Variants in CRIM1 observed in about 807,000 individuals in gnomAD.
The protein encoded by CRIM1 is cysteine rich transmembrane BMP regulator 1.
Under a neutral mutation model 116.4 loss-of-function variants are expected in CRIM1, and 32 were observed. The observed-to-expected ratio is 0.27, with a 90% CI of 0.21 to 0.37. The LOEUF (loss-of-function observed/expected upper bound fraction) is 0.37. Among genes scored for constraint, CRIM1 ranks in the 10% least tolerant of loss-of-function variants. The pLI is 1.00. For missense variants in CRIM1, 1,331 were observed against 1,354.8 expected, an observed-to-expected ratio of 0.98 and a Z score of 0.28; for synonymous variants, 590 against 509.2, an observed-to-expected ratio of 1.16 and a Z score of -2.13.
chr2:36,483,567 C>A (rs984233498), intron 7 of CRIM1, among the ~76,000 whole-genome samples: 1 of 152,116 alleles, frequency 6.6e-6, no homozygotes, highest in Non-Finnish European at 1.5e-5. Flanking sequence ...ACAGTGTGTC[C>A]CCAGGACCAG....
chr2:36,461,725 C>A (rs531472167), intron 4 of CRIM1, among the ~76,000 whole-genome samples: 19 of 152,238 alleles, frequency 1.2e-4, no homozygotes, highest in Non-Finnish European at 2.2e-4. Context: ...ATGATGGGGT[C>A]CCCTTTTGTT....
At chr2:36,470,140 AAC>A in intron 5 of CRIM1, among the ~76,000 whole-genome samples, 2 of 152,344 alleles carry the variant, frequency 1.3e-5, no homozygotes, top group African/African-American at 2.4e-5. Flanking sequence ...AGGATTTAAA[AAC>A]ACACAGAACT....
At chr2:36,405,185 A>T (rs186155520) in intron 2 of CRIM1, among the ~76,000 whole-genome samples, 170 of 152,214 alleles carry the variant, frequency 1.1e-3, no homozygotes, top group Non-Finnish European at 1.9e-3. Flanking sequence ...GGTATTTTTT[A>T]TGTGCGTGGG....
intron 2 of CRIM1, among the ~76,000 whole-genome samples, chr2:36,429,486 A>G (rs1381389021): frequency 1.3e-5 from 2 of 152,138 alleles, no homozygotes; most frequent in East Asian, 1.9e-4. Context: ...GAAGAGGATG[A>G]GATTGGCGGG....
chr2:36,419,223 A>G (rs532035786), intron 2 of CRIM1, among the ~76,000 whole-genome samples: 3 of 152,228 alleles, frequency 2.0e-5, no homozygotes, highest in Non-Finnish European at 4.4e-5. Flanking sequence ...TTAGGACAAC[A>G]TGGTAATTTG....
intron 13 of CRIM1, chr2:36,529,078 C>T (rs1464735233): frequency 2.1e-6 from 1 of 470,662 alleles, no homozygotes; most frequent in Non-Finnish European, 4.4e-6. Flanking sequence ...AGCTCTGCTG[C>T]ACGGAAGTTA....
At chr2:36,547,954 C>T (rs1667468073) in intron 16 of CRIM1, among the ~76,000 whole-genome samples, 1 of 152,166 alleles carries the variant, frequency 6.6e-6, no homozygotes, top group Non-Finnish European at 1.5e-5. Flanking sequence ...ATCTGGTTAA[C>T]CCTTCCATGT....
At chr2:36,390,683 T>A (rs1387584369) in intron 1 of CRIM1, among the ~76,000 whole-genome samples, 1 of 152,106 alleles carries the variant, frequency 6.6e-6, no homozygotes, top group Non-Finnish European at 1.5e-5. Flanking sequence ...CAGAGGACAT[T>A]TTAACCACGA....
chr2:36,403,829 TTA>T (rs1209593401), intron 2 of CRIM1, among the ~76,000 whole-genome samples: 1 of 151,858 alleles, frequency 6.6e-6, no homozygotes, highest in Non-Finnish European at 1.5e-5. Flanking sequence ...CTCTGTTTGG[TTA>T]TGTTTGAGGT....
At chr2:36,499,699 C>T (rs1045842278) in intron 8 of CRIM1, among the ~76,000 whole-genome samples, 9 of 152,150 alleles carry the variant, frequency 5.9e-5, no homozygotes, top group African/African-American at 7.2e-5. Context: ...TGTCACATTC[C>T]GCATATGACA....
At chr2:36,384,688 T>C (rs763956708) in intron 1 of CRIM1, among the ~76,000 whole-genome samples, 4 of 152,208 alleles carry the variant, frequency 2.6e-5, no homozygotes, top group Non-Finnish European at 5.9e-5. Flanking sequence ...AGTCCTGCTT[T>C]CCATTGTCCC....
intron 13 of CRIM1, among the ~76,000 whole-genome samples, chr2:36,532,808 CCCATTGGG>C (rs1158162278): frequency 1.3e-5 from 2 of 152,288 alleles, no homozygotes; most frequent in Non-Finnish European, 2.9e-5. Flanking sequence ...AATACCCTGA[CCCATTGGG>C]CAATGGAGAT....
chr2:36,518,153 A>C (rs573282022), intron 12 of CRIM1, among the ~76,000 whole-genome samples: 4 of 152,222 alleles, frequency 2.6e-5, no homozygotes, highest in Non-Finnish European at 4.4e-5. Context: ...TATGGCCATG[A>C]AACTTGTTAG....
At position 36,541,091 on chromosome 2, in the gene CRIM1, A is replaced by G. The variant is rs375085278; in HGVS notation, c.2624-3285A>G. Among the ~76,000 whole-genome samples, 20 of 152,290 alleles carry G rather than the reference A, an allele frequency of 1.3e-4. No individual in the cohort carries two copies. The East Asian group carries it at 3.5e-3, about 27-fold the overall frequency. The stretch of plus-strand genomic sequence containing the variant: ...GCTTTTGCCACCTTCTGTTTGATCC[A>G]GTATGGGCTGCCAGGAAGGCTGTAT... On this transcript the variant is annotated intron_variant, in intron 14 of 16. Transcript: ENST00000280527.
intron 3 of CRIM1, 113 bp downstream of exon 3, chr2:36,441,613 T>C: frequency 7.4e-7 from 1 of 1,356,480 alleles, no homozygotes; most frequent in Non-Finnish European, 1.0e-6. Context: ...TTCTCACCGG[T>C]GTCCTGTGAA....
intron 1 of CRIM1, among the ~76,000 whole-genome samples, chr2:36,387,576 A>G (rs1213201474): frequency 6.6e-6 from 1 of 152,226 alleles, no homozygotes; most frequent in African/African-American, 2.4e-5. Context: ...GGAATATAAG[A>G]GAGTTAAGGT....
chr2:36,458,213 T>C (rs1157252055), intron 4 of CRIM1, among the ~76,000 whole-genome samples: 1 of 152,186 alleles, frequency 6.6e-6, no homozygotes, highest in African/African-American at 2.4e-5. Context: ...GCTTCCGAGC[T>C]GCCTCCTCTG....
chr2:36,475,533 G>C (rs894955384), intron 5 of CRIM1, among the ~76,000 whole-genome samples: 1 of 152,110 alleles, frequency 6.6e-6, no homozygotes, highest in African/African-American at 2.4e-5. Flanking sequence ...ATTAGAGATA[G>C]TTTTACTTCT....
intron 7 of CRIM1, 55 bp downstream of exon 7, chr2:36,479,749 T>C: frequency 6.5e-7 from 1 of 1,533,740 alleles, no homozygotes; most frequent in Non-Finnish European, 9.0e-7. Flanking sequence ...TTGGAGAAGC[T>C]TCTACCAGCG....
Sources: gnomAD v4.1 joint callset for allele counts (sites outside exome capture counted in the v4.1 genomes callset) on GRCh38, gnomAD v4.1.1 for gene constraint, MANE v1.5 for transcripts, NCBI Gene and HGNC (gene_info 2026-07-23, HGNC 2026-07-21) for gene names.